SERPINF1: variants seen among roughly 807,000 people sequenced by gnomAD.
SERPINF1 encodes pigment epithelium-derived factor.
In SERPINF1, 29 loss-of-function variants were observed where a neutral mutation model predicts 37.3. That is an observed-to-expected ratio of 0.78 (90% CI 0.58 to 1.06). The LOEUF is 1.06. SERPINF1 is among the 50% of genes least tolerant of loss of function. SERPINF1 has a pLI of 0.00. For missense variants in SERPINF1, 553 were observed against 532.2 expected, an observed-to-expected ratio of 1.04 and a Z score of -0.38; for synonymous variants, 281 against 227.9, an observed-to-expected ratio of 1.23 and a Z score of -2.10.
chr17:1,774,393 G>A (rs1031133870), intron 5 of SERPINF1, among the ~76,000 whole-genome samples: 2 of 152,110 alleles, frequency 1.3e-5, no homozygotes, highest in African/African-American at 2.4e-5. Context: ...ATGGGGTTTC[G>A]CCATGCTGGC....
Position 1,776,631 on chromosome 17 carries a change from G to C in SERPINF1, c.886G>C (p.Glu296Gln). Reference protein sequence around the residue: ...LTLIEESLTSEFIHDIDRELK... With the variant: ...LTLIEESLTSQFIHDIDRELK... Reference sequence around the variant, plus strand: ...CTTGATAGAGGAGAGCCTCACCTCCGAGTTCATTCATGACATAGACCGAGA... The same window carrying C: ...CTTGATAGAGGAGAGCCTCACCTCCCAGTTCATTCATGACATAGACCGAGA... The change falls in exon 7 of 8, where the codon GAG becomes CAG. Residue 296 changes from glutamate to glutamine, a missense_variant. By Grantham distance (29) the Glu-to-Gln change is conservative. Transcript: ENST00000254722. The C allele has an allele frequency of 8.1e-6, 13 of 1,614,036 alleles. No individual in the cohort carries two copies. Among genetic ancestry groups the C allele is most frequent in the Non-Finnish European group, 1.1e-5 (13 of 1,180,026 alleles).
At chr17:1,763,092 ATTGT>A (rs1473670701) in intron 1 of SERPINF1, among the ~76,000 whole-genome samples, 2 of 152,096 alleles carry the variant, frequency 1.3e-5, no homozygotes, top group East Asian at 1.9e-4. Flanking sequence ...TTCAGGAAAC[ATTGT>A]TTGGGGCTGG....
Position 1,771,041 on chromosome 17 carries a change from G to C in SERPINF1, c.296G>C (p.Arg99Pro), listed in dbSNP as rs762257275. 1 of 1,614,040 alleles carries C rather than the reference G, an allele frequency of 6.2e-7. No homozygotes were observed. Among genetic ancestry groups the C allele is most frequent in the Non-Finnish European group, 8.5e-7 (1 of 1,179,966 alleles). ...TTGTCTCTGGCAGGAGCGGAGCAGC[G>C]AACAGAATCCATCATTCACCGGGCT... is the stretch of plus-strand genomic sequence containing the variant. ...LSALSLGAEQ[R>P]TESIIHRALY... The change falls in exon 4 of 8, where the codon CGA (arginine) becomes CCA (proline). Residue 99 changes from arginine (R) to proline (P), a missense_variant. Coordinates refer to ENST00000254722, the MANE Select transcript of SERPINF1 (RefSeq NM_002615.7).
At chr17:1,774,661 C>T (rs929959830) in intron 5 of SERPINF1, among the ~76,000 whole-genome samples, 2 of 152,006 alleles carry the variant, frequency 1.3e-5, no homozygotes, top group Admixed American at 1.3e-4. Context: ...AGCGTTTTTT[C>T]ATGTTGGCCA....
chr17:1,773,283 G>A (rs1567756272), intron 5 of SERPINF1, among the ~76,000 whole-genome samples: 2 of 152,058 alleles, frequency 1.3e-5, no homozygotes, highest in African/African-American at 2.4e-5. Flanking sequence ...TCATTCTGTT[G>A]CCCAGGCTGG....
At position 1,775,074 on chromosome 17, in the gene SERPINF1, G is replaced by A; in HGVS notation, c.660G>A (p.Lys220=). 1 of 1,614,122 alleles carries A rather than the reference G, an allele frequency of 6.2e-7. No homozygotes were observed. The highest frequency in any genetic ancestry group is 2.2e-5 in the East Asian group (1 of 44,870). Residue 220 remains lysine, a synonymous_variant, in exon 6 of 8, where the codon AAG becomes AAA. Transcript: ENST00000254722. ...VAHFKGQWVT[K]FDSRKTSLED... Reference sequence around the variant, plus strand: ...TCTTTCCAGGGCAGTGGGTAACAAAGTTTGACTCCAGAAAGACTTCCCTCG... The same window carrying A: ...TCTTTCCAGGGCAGTGGGTAACAAAATTTGACTCCAGAAAGACTTCCCTCG...
In SERPINF1 at chr17:1,765,731, C is replaced by T. The variant is rs1366365949; in HGVS notation, c.-8-1172C>T. 3.3e-5 allele frequency among the ~76,000 whole-genome samples: 5 copies of T among 152,124 alleles called. No individual in the cohort carries two copies. The South Asian group carries it at 8.3e-4, about 25-fold the overall frequency. On this transcript the variant is annotated intron_variant, in intron 1 of 7. Coordinates refer to ENST00000254722, the MANE Select transcript of SERPINF1 (RefSeq NM_002615.7). The stretch of plus-strand genomic sequence containing the variant: ...CTGAGACCATGTGTGATGGCATGCG[C>T]CTGCAGTCCCAGCTACTCACGAGGC...
rs2151206751 is a variant in SERPINF1 at position 1,769,134 on chromosome 17, G to A, written c.85-718G>A. On this transcript the variant is annotated intron_variant, in intron 2 of 7. Transcript: ENST00000254722. ...TTTAAAAAGTGGGTCATGGGGCTGGGCGCGGTGGCTCATGCCTGTAATCCC... is the reference window on the plus strand; with the variant it reads ...TTTAAAAAGTGGGTCATGGGGCTGGACGCGGTGGCTCATGCCTGTAATCCC... 1.3e-5 allele frequency among the ~76,000 whole-genome samples: 2 copies of A among 152,100 alleles called. 1 individual carries two copies. Among genetic ancestry groups the A allele is most frequent in the South Asian group, 4.1e-4 (2 of 4,828 alleles).
chr17:1,771,132 C>A lies in SERPINF1; in HGVS notation c.387C>A (p.Val129=). Residue 129 remains valine, a synonymous_variant, in exon 4 of 8, where the codon GTC becomes GTA. Transcript: ENST00000254722. ...HGTYKELLDT[V]TAPQKNLKSA... is the part of the protein sequence containing the mutation. ...CCTATAAGGAGCTCCTTGACACGGT[C>A]ACTGCCCCCCAGAAGAACCTCAAGA... is the stretch of plus-strand genomic sequence containing the variant. 6.2e-7 allele frequency: 1 copy of A among 1,614,122 alleles called. No individual in the cohort carries two copies. Among genetic ancestry groups the A allele is most frequent in the South Asian group, 1.1e-5 (1 of 91,078 alleles).
chr17:1,770,257 CACT>C (rs1488374196), intron 3 of SERPINF1, among the ~76,000 whole-genome samples: 1 of 152,176 alleles, frequency 6.6e-6, no homozygotes, highest in Non-Finnish European at 1.5e-5. Context: ...GGCTGGGCAC[CACT>C]GACATGGCGC....
In SERPINF1 at chr17:1,777,203, T is replaced by G. The variant is rs889903142; in HGVS notation, c.1014T>G (p.Phe338Leu). ...SLQEMKLQSL[F>L]DSPDFSKITG... Reference sequence around the variant, plus strand: ...TCTCTACAGAGCTGCAATCCTTGTTTGATTCACCAGACTTTAGCAAGATCA... The same window carrying G: ...TCTCTACAGAGCTGCAATCCTTGTTGGATTCACCAGACTTTAGCAAGATCA... The change falls in exon 8 of 8, where the codon TTT (phenylalanine) becomes TTG (leucine). Residue 338 changes from phenylalanine to leucine, a missense_variant. Phe to Leu is a conservative substitution (Grantham distance 22, BLOSUM62 0). Transcript: ENST00000254722. 2 of 1,614,118 alleles carry G rather than the reference T, an allele frequency of 1.2e-6. No homozygotes were observed. The highest frequency in any genetic ancestry group is 1.7e-6 in the Non-Finnish European group (2 of 1,180,024).
rs542035380 is a variant in SERPINF1, at chr17:1,771,886, T to C, written c.454T>C (p.Ser152Pro). The C allele has an allele frequency of 1.9e-6, 3 of 1,613,096 alleles. No individual in the cohort carries two copies. The highest frequency in any genetic ancestry group is 1.3e-5 in the African/African-American group (1 of 75,026). The change falls in exon 5 of 8, where the codon TCC (serine) becomes CCC (proline). Residue 152 changes from serine (S) to proline (P), a missense_variant. Physicochemically the swap from Ser to Pro is moderately conservative, Grantham distance 74. Transcript: ENST00000254722. ...CCTCTTCTCAGAGCTGCGCATAAAA[T>C]CCAGCTTTGTGGCACCTCTGGAAAA... is the stretch of plus-strand genomic sequence containing the variant. ...IVFEKKLRIK[S>P]SFVAPLEKSY...
rs993353671 is a variant in SERPINF1, at chr17:1,766,918, C to A, written c.8C>A (p.Ala3Asp). The A allele has an allele frequency of 3.3e-5, 52 of 1,561,492 alleles. No individual in the cohort carries two copies. The highest frequency in any genetic ancestry group is 4.3e-5 in the Non-Finnish European group (49 of 1,152,716). ...TTTCTTGCAGGCCCCAGGATGCAGG[C>A]CCTGGTGCTACTCCTCTGCATTGGA... MQ[A>D]LVLLLCIGAL... is the part of the protein sequence containing the mutation. The change falls in exon 2 of 8, where the codon GCC becomes GAC. Residue 3 changes from alanine (A) to aspartate (D), a missense_variant. Ala to Asp is a moderately radical substitution (Grantham distance 126). Coordinates refer to ENST00000254722, the MANE Select transcript of SERPINF1 (RefSeq NM_002615.7).
intron 6 of SERPINF1, among the ~76,000 whole-genome samples, chr17:1,775,531 T>C (rs1184434774): frequency 2.0e-5 from 3 of 149,370 alleles, no homozygotes; most frequent in East Asian, 2.0e-4. Context: ...AATGACAAAC[T>C]CCAAATCGTT....
intron 5 of SERPINF1, among the ~76,000 whole-genome samples, chr17:1,774,354 C>A (rs1431546398): frequency 6.6e-6 from 1 of 152,182 alleles, no homozygotes; most frequent in African/African-American, 2.4e-5. Flanking sequence ...CACCACTGCA[C>A]CCGGCTAGTT....
chr17:1,775,260 C>A, intron 6 of SERPINF1, 60 bp downstream of exon 6: 2 of 1,552,376 alleles, frequency 1.3e-6, no homozygotes, highest in Non-Finnish European at 1.8e-6. Flanking sequence ...AGAAGCAAAA[C>A]AGGGTAGTGG....
intron 5 of SERPINF1, among the ~76,000 whole-genome samples, chr17:1,774,198 CTT>C (rs1296225512): frequency 1.3e-5 from 2 of 152,258 alleles, no homozygotes; most frequent in East Asian, 3.9e-4. Flanking sequence ...GTTTACTTTT[CTT>C]TCTTTTGTTT....
rs1040574203 is a variant in SERPINF1 at position 1,765,869 on chromosome 17, A to C, written c.-8-1034A>C. The stretch of plus-strand genomic sequence containing the variant: ...GCAGCACAGCAAGATCTTGTCTCCC[A>C]AAAAAAAAAAAAAAAAAAAATTTCA... On this transcript the variant is annotated intron_variant, in intron 1 of 7. Transcript: ENST00000254722. 9.4e-3 allele frequency among the ~76,000 whole-genome samples: 359 copies of C among 38,002 alleles called. 1 individual carries two copies. Among genetic ancestry groups the C allele is most frequent in the Non-Finnish European group, 0.015 (276 of 18,780 alleles). The allele number at this position is 38,002 out of a possible 152,430, so 24.9% of individuals were successfully genotyped here.
chr17:1,765,865 T>TC (rs1413272754), intron 1 of SERPINF1, among the ~76,000 whole-genome samples: 14 of 62,290 alleles, frequency 2.2e-4, no homozygotes, highest in Non-Finnish European at 3.3e-4. Flanking sequence ...AGATCTTGTC[T>TC]CCCAAAAAAA....
Sources: allele counts gnomAD v4.1 joint callset (sites outside exome capture counted in the v4.1 genomes callset), GRCh38; gene constraint gnomAD v4.1.1; transcripts MANE v1.5; gene names NCBI Gene and HGNC (gene_info 2026-07-23, HGNC 2026-07-21).